ATP13A3: variants seen among roughly 807,000 people sequenced by gnomAD.
The protein encoded by ATP13A3 is ATPase 13A3, also known as polyamine-transporting ATPase 13A3.
A neutral mutation model predicts 158.1 loss-of-function variants in ATP13A3; 59 were observed. The ratio of observed to expected loss-of-function variants is 0.37; its 90% CI spans 0.30 to 0.46. ATP13A3 has a LOEUF of 0.46. ATP13A3 is among the 20% of genes least tolerant of loss of function. The pLI is 1.00. For synonymous variants in ATP13A3, 491 were observed against 504.3 expected (o/e 0.97, Z 0.35); for missense variants, 1,166 against 1,525.2 (o/e 0.76, Z 3.92).
At chr3:194,470,441 A>G (rs1720250879) in intron 2 of ATP13A3, among the ~76,000 whole-genome samples, 1 of 152,168 alleles carries the variant, frequency 6.6e-6, no homozygotes, top group South Asian at 2.1e-4. Context: ...CTTTTATCAT[A>G]TACTCTATTT....
chr3:194,441,331 T>A lies in ATP13A3; in HGVS notation c.1690A>T (p.Met564Leu), dbSNP rs764581649. The change falls in exon 16 of 34, where the codon ATG becomes TTG. Residue 564 changes from methionine to leucine, a missense_variant. Physicochemically the swap from Met to Leu is conservative, Grantham distance 15 (BLOSUM62 2). Coordinates refer to ENST00000645319, the MANE Select transcript of ATP13A3 (RefSeq NM_001367549.1). ...VLSGDPLDLK[M>L]FEAIGWILEE... ...CTTACCCATCCAATAGCCTCAAACA[T>A]TTTCAGATCAAGTGGATCACCAGAG... The A allele has an allele frequency of 1.2e-6, 2 of 1,612,526 alleles. No individual in the cohort carries two copies. Among genetic ancestry groups the A allele is most frequent in the Non-Finnish European group, 1.7e-6 (2 of 1,179,132 alleles).
intron 2 of ATP13A3, among the ~76,000 whole-genome samples, chr3:194,471,687 T>C (rs1720313899): frequency 6.6e-6 from 1 of 152,202 alleles, no homozygotes; most frequent in African/African-American, 2.4e-5. Context: ...TTCATCTAAG[T>C]ATTAAGTGTG....
intron 30 of ATP13A3, chr3:194,420,187 T>C: frequency 6.8e-6 from 2 of 292,742 alleles, no homozygotes; most frequent in South Asian, 1.5e-4. Flanking sequence ...ATGTTTAAAC[T>C]CCATTAACTT....
intron 2 of ATP13A3, among the ~76,000 whole-genome samples, chr3:194,476,957 T>C (rs1015592180): frequency 6.6e-6 from 1 of 152,104 alleles, no homozygotes; most frequent in African/African-American, 2.4e-5. Flanking sequence ...ACATGTAAGA[T>C]CCTACAGACT....
At chr3:194,477,612 T>C (rs1308550530) in intron 2 of ATP13A3, among the ~76,000 whole-genome samples, 1 of 152,192 alleles carries the variant, frequency 6.6e-6, no homozygotes, top group Non-Finnish European at 1.5e-5. Context: ...GTTCAGAAGT[T>C]AACACATAAA....
chr3:194,457,035 T>C lies in ATP13A3; in HGVS notation c.560+59A>G, dbSNP rs1436614710. 2.4e-5 allele frequency: 30 copies of C among 1,239,476 alleles called. No homozygotes were observed. The East Asian group carries it at 6.5e-4, about 27-fold the overall frequency. 76.8% of individuals were successfully genotyped at this position (1,239,476 alleles called of 1,614,324 possible). On this transcript the variant is annotated intron_variant, in intron 7 of 33. Coordinates refer to ENST00000645319, the MANE Select transcript of ATP13A3 (RefSeq NM_001367549.1). ...CAACTATATGGTAAAGGGTTGATTA[T>C]GTATACTACTGCTTTTAGGAATTTT...
chr3:194,462,084 T>C (rs1719705682), intron 3 of ATP13A3, 56 bp downstream of exon 3: 3 of 1,552,774 alleles, frequency 1.9e-6, no homozygotes, highest in Non-Finnish European at 2.7e-6. Flanking sequence ...CCTAAAATAA[T>C]AAATTGCAGA....
intron 33 of ATP13A3, among the ~76,000 whole-genome samples, chr3:194,406,414 T>C (rs1333538586): frequency 6.6e-6 from 1 of 152,180 alleles, no homozygotes; most frequent in Admixed American, 6.5e-5. Context: ...TTTTATTTTG[T>C]AAGGGCAGCT....
chr3:194,488,523 TCTC>T (rs938769032), upstream of ATP13A3: 2 of 152,658 alleles, frequency 1.3e-5, no homozygotes, highest in African/African-American at 4.8e-5. The surrounding 1 kb of genome is among the most constrained non-coding windows in gnomAD (Gnocchi z 4.1). Context: ...CATTCTGGCT[TCTC>T]CTCCCCAACT....
At chr3:194,491,005 G>A (rs1289824128), upstream of ATP13A3, among the ~76,000 whole-genome samples, 1 of 152,182 alleles carries the variant, frequency 6.6e-6, no homozygotes, top group Non-Finnish European at 1.5e-5. Context: ...TTAGCCAGAC[G>A]TGGTGGCGTG....
chr3:194,483,250 C>T (rs1720826378), intron 2 of ATP13A3, among the ~76,000 whole-genome samples: 1 of 151,644 alleles, frequency 6.6e-6, no homozygotes, highest in Non-Finnish European at 1.5e-5. Flanking sequence ...TGCCACTACA[C>T]TCTAGCCTGA....
intron 30 of ATP13A3, among the ~76,000 whole-genome samples, chr3:194,421,791 G>A (rs1716401095): frequency 6.6e-6 from 1 of 151,744 alleles, no homozygotes; most frequent in South Asian, 2.1e-4. Context: ...AAAAGCAATG[G>A]TCAGAACATA....
At chr3:194,436,438 G>C (rs1238282217) in intron 20 of ATP13A3, among the ~76,000 whole-genome samples, 2 of 152,118 alleles carry the variant, frequency 1.3e-5, no homozygotes, top group Non-Finnish European at 2.9e-5. Flanking sequence ...TCCAACCACT[G>C]GGCAAAAGTG....
chr3:194,469,838 T>C (rs762286802), intron 2 of ATP13A3, among the ~76,000 whole-genome samples: 2 of 152,222 alleles, frequency 1.3e-5, no homozygotes, highest in Non-Finnish European at 1.5e-5. Flanking sequence ...GATAACCTTG[T>C]CCAGTTCAAA....
Position 194,459,538 on chromosome 3 carries a change from G to A in ATP13A3, c.412C>T (p.Arg138Cys), listed in dbSNP as rs756090170. The A allele has an allele frequency of 1.9e-6, 3 of 1,600,720 alleles. No individual in the cohort carries two copies. Among genetic ancestry groups the A allele is most frequent in the East Asian group, 2.2e-5 (1 of 44,710 alleles). ...TTTACACTATGGTGGGTGAAATAAC[G>A]AATCTGTGGAACACAAATAAACGTT... The part of the protein sequence containing the change: ...KYSQTESQQI[R>C]YFTHHSVKYF... Residue 138 changes from arginine to cysteine, a missense_variant, in exon 6 of 34, where the codon CGT becomes TGT. Physicochemically the swap from Arg to Cys is radical, Grantham distance 180. Around this residue, in one of 3 missense-constraint regions of ATP13A3, gnomAD observed 104 missense variants for 91.7 expected, o/e 1.13. Transcript: ENST00000645319.
At chr3:194,415,153 T>C (rs553775044) in intron 31 of ATP13A3, among the ~76,000 whole-genome samples, 90 of 151,436 alleles carry the variant, frequency 5.9e-4, no homozygotes, top group Admixed American at 1.8e-3. Flanking sequence ...CAGAAGAGAG[T>C]ATCTTAAGAA....
chr3:194,478,326 G>A (rs1282291029), intron 2 of ATP13A3, among the ~76,000 whole-genome samples: 1 of 151,532 alleles, frequency 6.6e-6, no homozygotes, highest in Admixed American at 6.6e-5. Context: ...CAAACAAAAT[G>A]GTGACCAATG....
intron 2 of ATP13A3, among the ~76,000 whole-genome samples, chr3:194,478,388 T>A (rs773601078): frequency 2.0e-5 from 3 of 151,884 alleles, no homozygotes; most frequent in Non-Finnish European, 4.4e-5. Context: ...AAAAAAGAAC[T>A]ATCTCTTGAT....
intron 30 of ATP13A3, among the ~76,000 whole-genome samples, chr3:194,422,418 A>C (rs1247317090): frequency 1.3e-5 from 2 of 152,234 alleles, no homozygotes; most frequent in Non-Finnish European, 2.9e-5. Context: ...ACTGCAGGCC[A>C]GGGTCAAGGG....
Sources: allele counts gnomAD v4.1 joint callset (sites outside exome capture counted in the v4.1 genomes callset), GRCh38; gene constraint gnomAD v4.1.1; regional missense constraint gnomAD v4.1.1; non-coding constraint Gnocchi (gnomAD v3.1); transcripts MANE v1.5; gene names NCBI Gene and HGNC (gene_info 2026-07-23, HGNC 2026-07-21).